Variants in MOCS2 observed in about 807,000 individuals in gnomAD.
MOCS2 encodes the protein molybdenum cofactor synthesis 2, also known as molybdopterin synthase catalytic subunit.
A neutral mutation model predicts 21.9 loss-of-function variants in MOCS2; 13 were observed. The ratio of observed to expected loss-of-function variants is 0.59; its 90% CI spans 0.39 to 0.94. MOCS2 has a LOEUF of 0.94. Ranked by LOEUF, MOCS2 falls within the 40% of genes least tolerant of loss-of-function variation. The probability of loss-of-function intolerance (pLI) is 0.00; values close to 1 mark genes in which losing one functional copy is unlikely to be tolerated. For missense variants in MOCS2, 227 were observed against 218.3 expected (o/e 1.04, Z -0.25); for synonymous variants, 92 against 80.8 (o/e 1.14, Z -0.74).
At chr5:53,101,531 A>C (rs1740909564) in intron 4 of MOCS2, 22 bp from the exon 5 acceptor site, 1 of 1,523,740 alleles carries the variant, frequency 6.6e-7, no homozygotes, top group South Asian at 1.2e-5. Context: ...AAAAAAAAGA[A>C]AAAGAAAACA....
chr5:53,100,560 A>T (rs1561173282), intron 5 of MOCS2, 26 bp from the exon 6 acceptor site: 3 of 1,612,540 alleles, frequency 1.9e-6, no homozygotes, highest in Non-Finnish European at 2.5e-6. Context: ...GAGAAAAAAA[A>T]ATCACCATCA....
chr5:53,109,291 G>A lies in MOCS2; in HGVS notation c.-210C>T. 1 of 1,016,250 alleles carries A rather than the reference G, an allele frequency of 9.8e-7. No homozygotes were observed. The highest frequency in any genetic ancestry group is 1.2e-6 in the Non-Finnish European group (1 of 850,768). 63.0% of individuals were successfully genotyped at this position (1,016,250 alleles called of 1,614,324 possible). Reference sequence around the variant, plus strand: ...AACAACTCTTTACGAAATAATTACAGGTTTGCAAATGATCAAGGGTGTAGA... The same window carrying A: ...AACAACTCTTTACGAAATAATTACAAGTTTGCAAATGATCAAGGGTGTAGA... On this transcript the variant is annotated 5_prime_UTR_variant, in exon 1 of 7. Coordinates refer to ENST00000396954, the MANE Select transcript of MOCS2 (RefSeq NM_004531.5).
chr5:53,100,901 A>G (rs1740890807), intron 5 of MOCS2: 1 of 310,004 alleles, frequency 3.2e-6, no homozygotes, highest in Non-Finnish European at 6.1e-6. Flanking sequence ...AATAATACAT[A>G]TCAAGTAATA....
intron 3 of MOCS2, among the ~76,000 whole-genome samples, chr5:53,105,363 G>A (rs1410625468): frequency 6.6e-6 from 1 of 152,024 alleles, no homozygotes. Flanking sequence ...GCATGGGACT[G>A]GTACAAAACA....
intron 5 of MOCS2, 36 bp downstream of exon 5, chr5:53,101,323 T>G (rs752379753): frequency 1.1e-5 from 17 of 1,597,840 alleles, no homozygotes; most frequent in Non-Finnish European, 1.5e-5. Context: ...GGAAAACAAT[T>G]ACACTTAACT....
intron 5 of MOCS2, chr5:53,100,760 T>TA (rs1179893765): frequency 9.7e-6 from 5 of 516,968 alleles, no homozygotes; most frequent in Non-Finnish European, 1.7e-5. Flanking sequence ...ATCTATCCAC[T>TA]AAACCCTCCT....
In MOCS2 at chr5:53,098,360, T is replaced by C. The variant is rs1740808894; in HGVS notation, c.*242A>G. The C allele has an allele frequency of 5.5e-6, 3 of 543,996 alleles. No homozygotes were observed. The highest frequency in any genetic ancestry group is 9.9e-6 in the Non-Finnish European group (3 of 304,026). 33.7% of individuals were successfully genotyped at this position (543,996 alleles called of 1,614,324 possible). A position where few individuals can be genotyped will look rare whatever the true frequency, so the allele number is the denominator to read the frequency against. ...GAAGGACATGTCTACCACAGATATCTTTCCTCACATTTAAATTATTCCATT... is the reference window on the plus strand; with the variant it reads ...GAAGGACATGTCTACCACAGATATCCTTCCTCACATTTAAATTATTCCATT... On this transcript the variant is annotated 3_prime_UTR_variant, in exon 7 of 7. Transcript: ENST00000396954.
intron 6 of MOCS2, 102 bp downstream of exon 6, chr5:53,100,309 T>C (rs768678686): frequency 2.9e-5 from 38 of 1,301,434 alleles, no homozygotes; most frequent in Non-Finnish European, 4.1e-5. Context: ...GAAAACAAGA[T>C]ACTACAGTCA....
chr5:53,096,553 G>A lies in MOCS2; in HGVS notation c.*2049C>T, dbSNP rs147328081. 3 of 152,262 alleles carry A rather than the reference G, an allele frequency of 2.0e-5. No individual in the cohort carries two copies. Among genetic ancestry groups the A allele is most frequent in the African/African-American group, 4.8e-5 (2 of 41,572 alleles). The allele number at this position is 152,262 out of a possible 1,614,324, so 9.4% of individuals were successfully genotyped here. On this transcript the variant is annotated 3_prime_UTR_variant, in exon 7 of 7. Transcript: ENST00000396954. ...GCTAAGTTACAGAGATGATAGAAAAGCTACATATCAGAGTGACAGTAGCCC... is the reference window on the plus strand; with the variant it reads ...GCTAAGTTACAGAGATGATAGAAAAACTACATATCAGAGTGACAGTAGCCC...
rs1354681374 is a variant in MOCS2 at position 53,098,529 on chromosome 5, G to GA, written c.*72dup. On this transcript the variant is annotated 3_prime_UTR_variant, in exon 7 of 7. Coordinates refer to ENST00000396954, the MANE Select transcript of MOCS2 (RefSeq NM_004531.5). ...TCAGTAAACTATCCTGATGTGGAGA[G>GA]AAAAAAATCAAAATGTGATCAATAA... 20 of 1,369,910 alleles carry GA rather than the reference G, an allele frequency of 1.5e-5. No homozygotes were observed. The Middle Eastern group carries it at 7.2e-4, about 49-fold the overall frequency. The allele number at this position is 1,369,910 out of a possible 1,614,324, so 84.9% of individuals were successfully genotyped here.
In MOCS2 at chr5:53,109,554, C is replaced by CGGGGGCGGGGGCGGGGGA; in HGVS notation, c.-474_-473insTCCCCCGCCCCCGCCCCC. The CGGGGGCGGGGGCGGGGGA allele has an allele frequency of 1.1e-6, 1 of 942,874 alleles. No homozygotes were observed. Among genetic ancestry groups the CGGGGGCGGGGGCGGGGGA allele is most frequent in the East Asian group, 3.0e-5 (1 of 33,570 alleles). The allele number at this position is 942,874 out of a possible 1,614,324, so 58.4% of individuals were successfully genotyped here. The stretch of plus-strand genomic sequence containing the variant: ...CCCGGAGACAGGAAGGGCCCGGGGG[C>CGGGGGCGGGGGCGGGGGA]GGGGGCGGGGGCGCCCCCGAACCCA... On this transcript the variant is annotated 5_prime_UTR_variant, in exon 1 of 7. Transcript: ENST00000396954.
chr5:53,106,518 G>A (rs1399999153), intron 3 of MOCS2, among the ~76,000 whole-genome samples: 1 of 152,140 alleles, frequency 6.6e-6, no homozygotes, highest in African/African-American at 2.4e-5. Flanking sequence ...TGGACACAAA[G>A]AAGGAAACCA....
chr5:53,095,942 G>A lies in MOCS2; in HGVS notation c.*2660C>T, dbSNP rs1740716480. 1 of 152,052 alleles carries A rather than the reference G, an allele frequency of 6.6e-6. No individual in the cohort carries two copies. Among genetic ancestry groups the A allele is most frequent in the Non-Finnish European group, 1.5e-5 (1 of 68,016 alleles). 9.4% of individuals were successfully genotyped at this position (152,052 alleles called of 1,614,324 possible). A position where few individuals can be genotyped will look rare whatever the true frequency, so the allele number is the denominator to read the frequency against. On this transcript the variant is annotated 3_prime_UTR_variant, in exon 7 of 7. Transcript: ENST00000396954. ...ATTTTTAAGGTGTCAATTAAAGATT[G>A]GACATCATCTTACATAAAATCAGGG...
chr5:53,099,498 T>C (rs977837611), intron 6 of MOCS2, among the ~76,000 whole-genome samples: 1 of 152,216 alleles, frequency 6.6e-6, no homozygotes, highest in Non-Finnish European at 1.5e-5. Flanking sequence ...GAACAATATA[T>C]CTGAGCTTCA....
At position 53,107,234 on chromosome 5, in the gene MOCS2, A is replaced by C. The variant is rs1741075747; in HGVS notation, c.-47-13T>G. The C allele has an allele frequency of 6.2e-7, 1 of 1,607,968 alleles. No individual in the cohort carries two copies. On this transcript the variant is annotated splice_polypyrimidine_tract_variant and intron_variant, in intron 2 of 6. Transcript: ENST00000396954. ...AACATCAGCCAATCTAAAGGGGAAAAAATATGACTCAAAGTATCAACGCTA... is the reference window on the plus strand; with the variant it reads ...AACATCAGCCAATCTAAAGGGGAAACAATATGACTCAAAGTATCAACGCTA...
Position 53,098,484 on chromosome 5 carries a change from C to G in MOCS2, c.*118G>C. The G allele has an allele frequency of 1.2e-6, 1 of 862,616 alleles. No individual in the cohort carries two copies. Among genetic ancestry groups the G allele is most frequent in the South Asian group, 1.4e-5 (1 of 71,894 alleles). The allele number at this position is 862,616 out of a possible 1,614,324, so 53.4% of individuals were successfully genotyped here. A position where few individuals can be genotyped will look rare whatever the true frequency, so the allele number is the denominator to read the frequency against. On this transcript the variant is annotated 3_prime_UTR_variant, in exon 7 of 7. Coordinates refer to ENST00000396954, the MANE Select transcript of MOCS2 (RefSeq NM_004531.5). ...CTTCCTTTTTCTCCCTTTTGTCCCACTAGTATAAGAGATTGTGCTTCAGTA... is the reference window on the plus strand; with the variant it reads ...CTTCCTTTTTCTCCCTTTTGTCCCAGTAGTATAAGAGATTGTGCTTCAGTA...
In MOCS2 at chr5:53,109,519, C is replaced by T. The variant is rs142034379; in HGVS notation, c.-438G>A. The T allele has an allele frequency of 5.8e-4, 784 of 1,347,342 alleles. 5 individuals carry two copies. In the African/African-American group the frequency reaches 0.011, roughly 19 times the overall value. The allele number at this position is 1,347,342 out of a possible 1,614,324, so 83.5% of individuals were successfully genotyped here. On this transcript the variant is annotated 5_prime_UTR_variant, in exon 1 of 7. Transcript: ENST00000396954. ...AGGACCCGACTTCTGCTGGGGCAGT[C>T]GCAGTAAAGCCCGGAGACAGGAAGG...
In MOCS2 at chr5:53,104,975, C is replaced by T. The variant is rs571155084; in HGVS notation, c.98+2102G>A. On this transcript the variant is annotated intron_variant, in intron 3 of 6. Transcript: ENST00000396954. ...TTATAAGAAGCCTGATCTCTCCACACTATACTGAACAATGTTCTTGTACAT... is the reference window on the plus strand; with the variant it reads ...TTATAAGAAGCCTGATCTCTCCACATTATACTGAACAATGTTCTTGTACAT... Among the ~76,000 whole-genome samples the T allele has an allele frequency of 1.2e-3, 184 of 152,304 alleles. 1 individual carries two copies. Among genetic ancestry groups the T allele is most frequent in the African/African-American group, 3.5e-3 (144 of 41,564 alleles).
At position 53,100,475 on chromosome 5, in the gene MOCS2, G is replaced by A. The variant is rs1386690318; in HGVS notation, c.437C>T (p.Ala146Val). 6.2e-7 allele frequency: 1 copy of A among 1,613,724 alleles called. No individual in the cohort carries two copies. The highest frequency in any genetic ancestry group is 1.1e-5 in the South Asian group (1 of 91,078). ...IIAVSSAHRA[A>V]SLEAVSYAID... Reference sequence around the variant, plus strand: ...GGCATAGCTCACAGCTTCAAGAGATGCAGCTCTGTGGGCTGAGGACACAGC... The same window carrying A: ...GGCATAGCTCACAGCTTCAAGAGATACAGCTCTGTGGGCTGAGGACACAGC... Residue 146 changes from alanine to valine, a missense_variant, in exon 6 of 7, where the codon GCA (alanine) becomes GTA (valine). Ala to Val is a moderately conservative substitution (Grantham distance 64). Coordinates refer to ENST00000396954, the MANE Select transcript of MOCS2 (RefSeq NM_004531.5).
Sources: allele counts gnomAD v4.1 joint callset (sites outside exome capture counted in the v4.1 genomes callset), GRCh38; gene constraint gnomAD v4.1.1; transcripts MANE v1.5; gene names NCBI Gene and HGNC (gene_info 2026-07-23, HGNC 2026-07-21).